The following GFM1 variants were observed in gnomAD, a reference collection of about 807,000 sequenced individuals.
GFM1 encodes G elongation factor mitochondrial 1.
Under a neutral mutation model 96.2 loss-of-function variants are expected in GFM1, and 62 were observed. The ratio of observed to expected loss-of-function variants is 0.64; its 90% CI spans 0.53 to 0.80. The LOEUF is 0.80. Ranked by LOEUF, GFM1 falls within the 30% of genes least tolerant of loss-of-function variation. The pLI is 0.00. For missense variants in GFM1, 852 were observed against 916.6 expected (o/e 0.93, Z 0.91); for synonymous variants, 282 against 312.9 (o/e 0.90, Z 1.04).
rs1722588190 is a variant in GFM1, at chr3:158,654,555, A to C, written c.1007A>C (p.Lys336Thr). 1 of 1,602,016 alleles carries C rather than the reference A, an allele frequency of 6.2e-7. No individual in the cohort carries two copies. ...ATTTCTTTTATTTTAAGTGACTCAA[A>C]AGAGAAAACCAAAATCCTAATGAAC... ...YAILNKEDDS[K>T]EKTKILMNSS... The change falls in exon 8 of 18, where the codon AAA becomes ACA. Residue 336 changes from lysine (K) to threonine (T), a missense_variant. Lys to Thr is a moderately conservative substitution (Grantham distance 78, BLOSUM62 -1). Coordinates refer to ENST00000486715, the MANE Select transcript of GFM1 (RefSeq NM_024996.7).
intron 4 of GFM1, among the ~76,000 whole-genome samples, chr3:158,648,570 C>G (rs530972384): frequency 6.6e-6 from 1 of 150,822 alleles, no homozygotes; most frequent in Non-Finnish European, 1.5e-5. Flanking sequence ...CCCAGCTACT[C>G]GGGAGGCTGA....
At position 158,691,416 on chromosome 3, in the gene GFM1, T is replaced by A. The variant is rs1726310335; in HGVS notation, c.2205T>A (p.Tyr735Ter). Residue 735 changes from tyrosine to a stop codon, truncating the protein, a stop_gained, in exon 18 of 18, where the codon TAT (tyrosine) becomes TAA (stop). Transcript: ENST00000486715. LOFTEE classifies it high-confidence loss of function. The part of the protein sequence containing the change: ...PSTQEDVINK[Y>*]LEATGQLPVK... ...CACAAGAAGACGTCATTAATAAGTA[T>A]TTGGAAGCTACAGGTCAACTTCCTG... 1 of 1,613,752 alleles carries A rather than the reference T, an allele frequency of 6.2e-7. No homozygotes were observed. The highest frequency in any genetic ancestry group is 1.7e-5 in the Admixed American group (1 of 59,992).
chr3:158,684,985 G>C, intron 15 of GFM1: 1 of 228,972 alleles, frequency 4.4e-6, no homozygotes, highest in Non-Finnish European at 8.1e-6. Context: ...ATTTTTAAAA[G>C]GTATCTTAAC....
At chr3:158,652,637 A>AT (rs1560130245) in intron 6 of GFM1, among the ~76,000 whole-genome samples, 1 of 152,214 alleles carries the variant, frequency 6.6e-6, no homozygotes, top group African/African-American at 2.4e-5. Flanking sequence ...AGCAGGACAC[A>AT]TTGATGGTGT....
intron 10 of GFM1, among the ~76,000 whole-genome samples, chr3:158,662,027 T>TG (rs1332046027): frequency 6.6e-6 from 1 of 152,186 alleles, no homozygotes; most frequent in East Asian, 1.9e-4. Context: ...GATTGGTAGT[T>TG]GTGGGAAGTG....
chr3:158,684,428 A>G (rs1295247388), intron 14 of GFM1, 96 bp from the exon 15 acceptor site: 3 of 1,255,144 alleles, frequency 2.4e-6, no homozygotes. Flanking sequence ...CACACATAAA[A>G]ACGTACACTT....
chr3:158,669,358 A>G, intron 13 of GFM1: 1 of 1,431,490 alleles, frequency 7.0e-7, no homozygotes, highest in South Asian at 1.3e-5. Context: ...AGCAACTAAC[A>G]ATTTTAAGCA....
At chr3:158,677,710 G>A (rs1181275409) in intron 13 of GFM1, among the ~76,000 whole-genome samples, 2 of 152,010 alleles carry the variant, frequency 1.3e-5, no homozygotes, top group Non-Finnish European at 2.9e-5. Flanking sequence ...TCACATGTCG[G>A]TCAAGCTGGT....
chr3:158,672,344 A>G (rs775588395), intron 13 of GFM1: 4 of 1,613,434 alleles, frequency 2.5e-6, no homozygotes, highest in Non-Finnish European at 3.4e-6. Flanking sequence ...CCCCTGCTAA[A>G]CTCACCTCCA....
At chr3:158,670,388 G>T (rs1724162109) in intron 13 of GFM1, among the ~76,000 whole-genome samples, 1 of 152,232 alleles carries the variant, frequency 6.6e-6, no homozygotes, top group African/African-American at 2.4e-5. Flanking sequence ...GAAGATGATT[G>T]ATTGGGGAAT....
intron 13 of GFM1, among the ~76,000 whole-genome samples, chr3:158,677,396 G>A (rs76262930): frequency 4.6e-5 from 7 of 152,346 alleles, no homozygotes; most frequent in African/African-American, 1.4e-4. Flanking sequence ...CATTTCTAAC[G>A]TAAAAGTGAA....
intron 13 of GFM1, chr3:158,667,042 G>A (rs531751087): frequency 1.3e-6 from 2 of 1,597,082 alleles, no homozygotes; most frequent in African/African-American, 1.3e-5. Flanking sequence ...GTAGAATGGT[G>A]TAGTCTAATT....
At chr3:158,670,483 G>A (rs1011306747) in intron 13 of GFM1, among the ~76,000 whole-genome samples, 4 of 152,202 alleles carry the variant, frequency 2.6e-5, no homozygotes, top group Non-Finnish European at 5.9e-5. Flanking sequence ...TTGAACTGAA[G>A]TGTATAGTCT....
rs1172885215 is a variant in GFM1 at position 158,675,285 on chromosome 3, CAAAAAA to C, written c.1602-6690_1602-6685del. ...TGGGTGACAGAGTGAGACTCCATCT[CAAAAAA>C]AAAAAAAAAAAAAAAAAAACAAGTT... On this transcript the variant is annotated intron_variant, in intron 13 of 17. Coordinates refer to ENST00000486715, the MANE Select transcript of GFM1 (RefSeq NM_024996.7). Among the ~76,000 whole-genome samples, 155 of 52,650 alleles carry C rather than the reference CAAAAAA, an allele frequency of 2.9e-3. 1 individual carries two copies. Among genetic ancestry groups the C allele is most frequent in the African/African-American group, 9.9e-3 (152 of 15,424 alleles). 34.5% of individuals were successfully genotyped at this position (52,650 alleles called of 152,430 possible).
chr3:158,652,067 T>G, intron 5 of GFM1, 29 bp from the exon 6 acceptor site: 1 of 1,607,122 alleles, frequency 6.2e-7, no homozygotes, highest in Non-Finnish European at 8.5e-7. Flanking sequence ...TTGAATATCC[T>G]TAAAGCACCA....
chr3:158,663,385 TTGAG>T (rs549298440), intron 11 of GFM1, among the ~76,000 whole-genome samples: 94 of 152,338 alleles, frequency 6.2e-4, no homozygotes, highest in African/African-American at 2.2e-3. Flanking sequence ...TATTCATACA[TTGAG>T]TGAACTTTTT....
chr3:158,652,608 C>T (rs958273028), intron 6 of GFM1, among the ~76,000 whole-genome samples: 3 of 152,146 alleles, frequency 2.0e-5, no homozygotes, highest in Non-Finnish European at 4.4e-5. Flanking sequence ...ACTACGTATT[C>T]TCTAAGGCCT....
In GFM1 at chr3:158,654,564, C is replaced by T; in HGVS notation, c.1016C>T (p.Thr339Ile). Reference protein sequence around the residue: ...LNKEDDSKEKTKILMNSSRDN... With the variant: ...LNKEDDSKEKIKILMNSSRDN... ...ATTTTAAGTGACTCAAAAGAGAAAA[C>T]CAAAATCCTAATGAACTCCAGTAGA... Residue 339 changes from threonine (T) to isoleucine (I), a missense_variant, in exon 8 of 18, where the codon ACC becomes ATC. Coordinates refer to ENST00000486715, the MANE Select transcript of GFM1 (RefSeq NM_024996.7). 1 of 1,610,190 alleles carries T rather than the reference C, an allele frequency of 6.2e-7. No individual in the cohort carries two copies.
chr3:158,657,189 A>T (rs1722836607), intron 8 of GFM1: 1 of 152,134 alleles, frequency 6.6e-6, no homozygotes. Context: ...TATATTTATT[A>T]CCTCCAAAAT....
Sources: gnomAD v4.1 joint callset for allele counts (sites outside exome capture counted in the v4.1 genomes callset) on GRCh38, gnomAD v4.1.1 for gene constraint, MANE v1.5 for transcripts, NCBI Gene and HGNC (gene_info 2026-07-23, HGNC 2026-07-21) for gene names.